RAB4A: variants seen among roughly 807,000 people sequenced by gnomAD.
RAB4A encodes ras-related protein Rab-4A.
Under a neutral mutation model 34.5 loss-of-function variants are expected in RAB4A, and 20 were observed. That is an observed-to-expected ratio of 0.58 (90% confidence interval 0.41 to 0.84). The LOEUF is 0.84. RAB4A is among the 40% of genes least tolerant of loss of function. RAB4A has a pLI of 0.00. For missense variants in RAB4A, 228 were observed against 274.5 expected, an observed-to-expected ratio of 0.83 and a Z score of 1.20; for synonymous variants, 102 against 100.0, an observed-to-expected ratio of 1.02 and a Z score of -0.12.
At chr1:229,287,572 G>GAACT (rs2102844167) in intron 2 of RAB4A, among the ~76,000 whole-genome samples, 1 of 152,314 alleles carries the variant, frequency 6.6e-6, no homozygotes, top group South Asian at 2.1e-4. Flanking sequence ...CCTCCTCAGA[G>GAACT]AACTCCCCTG....
At chr1:229,285,301 C>T (rs237760) in intron 1 of RAB4A, among the ~76,000 whole-genome samples, 37,268 of 152,132 alleles carry the variant, frequency 0.24, 5,236 homozygotes, top group African/African-American at 0.39. Flanking sequence ...TGAGCCAACG[C>T]GCTCAGCCTG....
intron 6 of RAB4A, among the ~76,000 whole-genome samples, chr1:229,302,282 TATATATATATATATATATATATATATA>T (rs1558242265): frequency 8.8e-4 from 17 of 19,368 alleles, no homozygotes; most frequent in African/African-American, 1.8e-3. Context: ...TATATATATA[TATATATATATATATATATATATATATA>T]TTTTTTTTTT....
chr1:229,296,969 G>A (rs1462189338), intron 4 of RAB4A, among the ~76,000 whole-genome samples: 2 of 152,236 alleles, frequency 1.3e-5, no homozygotes, highest in Non-Finnish European at 2.9e-5. Flanking sequence ...GCCACTGGCT[G>A]CTGTATGACC....
At chr1:229,287,008 T>C (rs2102843687) in intron 2 of RAB4A, among the ~76,000 whole-genome samples, 1 of 152,334 alleles carries the variant, frequency 6.6e-6, no homozygotes, top group South Asian at 2.1e-4. Context: ...ACACAGCCCA[T>C]CTTTTACCAT....
chr1:229,290,069 A>G (rs768203035), intron 3 of RAB4A, among the ~76,000 whole-genome samples: 2 of 152,218 alleles, frequency 1.3e-5, no homozygotes, highest in Non-Finnish European at 2.9e-5. Flanking sequence ...TAGGAAGTAG[A>G]TGGTGCTCTG....
intron 3 of RAB4A, chr1:229,289,148 A>G (rs1370951671): frequency 1.5e-5 from 3 of 206,814 alleles, no homozygotes; most frequent in African/African-American, 2.3e-5. Flanking sequence ...ATTCAAATCA[A>G]AGCACAAGCT....
chr1:229,277,182 G>A (rs1033740559), intron 1 of RAB4A, among the ~76,000 whole-genome samples: 1 of 150,478 alleles, frequency 6.6e-6, no homozygotes, highest in Admixed American at 6.6e-5. Context: ...TGATCCCAAC[G>A]AATGGGTCAG....
intron 2 of RAB4A, 77 bp downstream of exon 2, chr1:229,286,643 C>CT (rs1469774339): frequency 3.3e-6 from 3 of 913,634 alleles, no homozygotes; most frequent in Non-Finnish European, 4.9e-6. Flanking sequence ...TTACAGTAAA[C>CT]TTAATTTTTT....
At chr1:229,302,796 TAATCTA>T in intron 6 of RAB4A, 60 bp from the exon 7 acceptor site, 2 of 1,149,374 alleles carry the variant, frequency 1.7e-6, no homozygotes, top group Middle Eastern at 2.0e-4. Flanking sequence ...TTTTTTTTTT[TAATCTA>T]TTTTTGGAAT....
rs373794368 is a variant in RAB4A at position 229,286,592 on chromosome 1, T to G, written c.112+26T>G. Reference sequence around the variant, plus strand: ...GTAAGTGTCATGAAATTAGTCATTCTTCCGTGCATGTCTTCTGAGAGCCCT... The same window carrying G: ...GTAAGTGTCATGAAATTAGTCATTCGTCCGTGCATGTCTTCTGAGAGCCCT... On this transcript the variant is annotated intron_variant, in intron 2 of 7. Transcript: ENST00000366690. The G allele has an allele frequency of 2.1e-6, 3 of 1,404,184 alleles. No individual in the cohort carries two copies. The African/African-American group carries it at 4.4e-5, about 21-fold the overall frequency. The allele number at this position is 1,404,184 out of a possible 1,614,324, so 87.0% of individuals were successfully genotyped here.
chr1:229,302,307 ATATTTTTT>A (rs1236952039), intron 6 of RAB4A, among the ~76,000 whole-genome samples: 10 of 34,994 alleles, frequency 2.9e-4, no homozygotes, highest in East Asian at 1.0e-3. Flanking sequence ...ATATATATAT[ATATTTTTT>A]TTTTTTTTTT....
In RAB4A at chr1:229,297,651, A is replaced by C; in HGVS notation, c.445+15A>C. The stretch of plus-strand genomic sequence containing the variant: ...TCAAGAAAATGGCAAGTGACCTTTT[A>C]CTTCTTACTATTTTTCAAATCGCAT... On this transcript the variant is annotated intron_variant, in intron 5 of 7. Transcript: ENST00000366690. The C allele has an allele frequency of 6.4e-7, 1 of 1,555,166 alleles. No individual in the cohort carries two copies. Among genetic ancestry groups the C allele is most frequent in the Non-Finnish European group, 8.7e-7 (1 of 1,154,260 alleles).
intron 4 of RAB4A, among the ~76,000 whole-genome samples, chr1:229,296,879 C>A (rs1657263629): frequency 1.3e-5 from 2 of 152,230 alleles, no homozygotes; most frequent in Admixed American, 1.3e-4. Flanking sequence ...AGAACTCAAT[C>A]CTTAGACACA....
At chr1:229,277,430 A>C (rs1349440528) in intron 1 of RAB4A, among the ~76,000 whole-genome samples, 1 of 150,746 alleles carries the variant, frequency 6.6e-6, no homozygotes, top group African/African-American at 2.5e-5. Flanking sequence ...CTGCTGCCCA[A>C]ACCTTCCACC....
chr1:229,294,140 G>A (rs1464807069), intron 3 of RAB4A, among the ~76,000 whole-genome samples: 3 of 152,310 alleles, frequency 2.0e-5, no homozygotes, highest in Admixed American at 6.5e-5. Context: ...AGGCCAGGAC[G>A]GGCCTGGAGG....
intron 4 of RAB4A, among the ~76,000 whole-genome samples, chr1:229,296,991 A>G (rs1657267332): frequency 1.3e-5 from 2 of 152,222 alleles, no homozygotes; most frequent in African/African-American, 2.4e-5. Context: ...AGGGCAACGT[A>G]ATTAATCTCT....
intron 3 of RAB4A, among the ~76,000 whole-genome samples, chr1:229,291,089 G>T (rs1312379971): frequency 6.6e-6 from 1 of 152,174 alleles, no homozygotes; most frequent in Non-Finnish European, 1.5e-5. Context: ...GAATTGCTTT[G>T]CACCCTTCCA....
At chr1:229,277,035 T>C (rs1656669342) in intron 1 of RAB4A, among the ~76,000 whole-genome samples, 6 of 146,682 alleles carry the variant, frequency 4.1e-5, no homozygotes. Context: ...ATAAATTATT[T>C]ACAATTTATA....
Position 229,305,503 on chromosome 1 carries a change from A to G in RAB4A, c.*1710A>G. On this transcript the variant is annotated 3_prime_UTR_variant, in exon 8 of 8. Coordinates refer to ENST00000366690, the MANE Select transcript of RAB4A (RefSeq NM_004578.4). ...GCCAATAAAAGTTGCTGGAGAACCA[A>G]ACCATGGTGGTTCTTAATCAGGCTT... 2.3e-6 allele frequency: 1 copy of G among 426,292 alleles called. No homozygotes were observed. The highest frequency in any genetic ancestry group is 4.2e-6 in the Non-Finnish European group (1 of 239,010). The allele number at this position is 426,292 out of a possible 1,614,324, so 26.4% of individuals were successfully genotyped here.
Sources: allele counts gnomAD v4.1 joint callset (sites outside exome capture counted in the v4.1 genomes callset), GRCh38; gene constraint gnomAD v4.1.1; transcripts MANE v1.5; gene names NCBI Gene and HGNC (gene_info 2026-07-23, HGNC 2026-07-21).